Variants in CSMD3 observed in about 807,000 individuals in gnomAD.
CSMD3 encodes the protein CUB and Sushi multiple domains 3, also known as CUB and sushi domain-containing protein 3.
CSMD3 carries 177 observed loss-of-function variants against 435.2 expected under a neutral mutation model. The observed-to-expected ratio is 0.41, with a 90% CI of 0.36 to 0.46. The LOEUF is 0.46. CSMD3 is among the 20% of genes least tolerant of loss of function. CSMD3 has a pLI of 0.34. For missense variants in CSMD3, 4,265 were observed against 4,504.6 expected (o/e 0.95, Z 1.52); for synonymous variants, 1,656 against 1,520.5 (o/e 1.09, Z -2.07).
chr8:112,340,019 C>G (rs1466291083), intron 42 of CSMD3, among the ~76,000 whole-genome samples: 1 of 151,954 alleles, frequency 6.6e-6, no homozygotes, highest in Non-Finnish European at 1.5e-5. Flanking sequence ...CTGAAAATAT[C>G]AGAGTTAATA....
chr8:112,433,654 C>CAAAAAAAAAAAAAAAAAAAAAA, intron 32 of CSMD3, among the ~76,000 whole-genome samples: 85 of 93,046 alleles, frequency 9.1e-4, no homozygotes, highest in Middle Eastern at 0.014. Flanking sequence ...GAGAACCTGT[C>CAAAAAAAAAAAAAAAAAAAAAA]AAAAAAAAAA....
chr8:113,377,000 G>A, intron 1 of CSMD3: 2 of 954,378 alleles, frequency 2.1e-6, no homozygotes, highest in South Asian at 1.4e-5. Flanking sequence ...CGGGCCCGCA[G>A]CCACATCTTC....
chr8:113,316,699 G>A (rs1477695021), intron 1 of CSMD3, among the ~76,000 whole-genome samples: 1 of 151,728 alleles, frequency 6.6e-6, no homozygotes, highest in South Asian at 2.1e-4. Flanking sequence ...ACAGACATAC[G>A]CCACCACGCC....
At chr8:113,103,379 T>C (rs1564318113) in intron 4 of CSMD3, among the ~76,000 whole-genome samples, 1 of 152,148 alleles carries the variant, frequency 6.6e-6, no homozygotes, top group Admixed American at 6.6e-5. Context: ...CATATATGTA[T>C]ATGTATACAC....
chr8:112,879,841 G>A (rs190718934), intron 10 of CSMD3, among the ~76,000 whole-genome samples: 41 of 152,012 alleles, frequency 2.7e-4, no homozygotes, highest in African/African-American at 5.8e-4. Context: ...AACACCATAC[G>A]TTCTCACTTA....
At chr8:112,785,363 C>G (rs2078510221) in intron 13 of CSMD3, among the ~76,000 whole-genome samples, 1 of 151,712 alleles carries the variant, frequency 6.6e-6, no homozygotes, top group Admixed American at 6.6e-5. Flanking sequence ...TCAAGGATAC[C>G]CACTTTCACC....
rs537243951 is a variant in CSMD3 at position 112,224,421 on chromosome 8, T to A, written c.*350A>T. On this transcript the variant is annotated 3_prime_UTR_variant, in exon 71 of 71. Transcript: ENST00000297405. ...TATTTCTACCCTATATCTTTTTTTT[T>A]AAACCCAGTCCCTCTAATATAGTTT... 177 of 310,858 alleles carry A rather than the reference T, an allele frequency of 5.7e-4. No individual in the cohort carries two copies. Among genetic ancestry groups the A allele is most frequent in the South Asian group, 5.3e-3 (168 of 31,884 alleles). 19.3% of individuals were successfully genotyped at this position (310,858 alleles called of 1,614,324 possible).
intron 5 of CSMD3, among the ~76,000 whole-genome samples, chr8:113,045,206 G>A (rs2087779040): frequency 6.7e-6 from 1 of 149,080 alleles, no homozygotes; most frequent in Non-Finnish European, 1.5e-5. Context: ...CAAAAAAACT[G>A]CTTATGATAC....
At chr8:112,383,516 T>A (rs1829662960) in intron 37 of CSMD3, 51 bp downstream of exon 37, 1 of 1,042,212 alleles carries the variant, frequency 9.6e-7, no homozygotes, top group Non-Finnish European at 1.5e-6. Flanking sequence ...TAATTTTTTT[T>A]ATATTCCTAA....
At chr8:112,722,025 G>C (rs964726394) in intron 13 of CSMD3, among the ~76,000 whole-genome samples, 1 of 151,726 alleles carries the variant, frequency 6.6e-6, no homozygotes, top group Non-Finnish European at 1.5e-5. Flanking sequence ...ATTTGGGGAC[G>C]TAACTTCACT....
intron 22 of CSMD3, among the ~76,000 whole-genome samples, chr8:112,612,709 C>CT (rs532290154): frequency 0.014 from 906 of 65,876 alleles, 107 homozygotes; most frequent in Admixed American, 0.027. Flanking sequence ...TTTCTTTGTT[C>CT]TTTTTTTTTT....
intron 41 of CSMD3, 123 bp downstream of exon 41, chr8:112,345,974 T>C (rs1015088312): frequency 1.3e-6 from 1 of 743,172 alleles, no homozygotes; most frequent in Admixed American, 1.8e-5. Flanking sequence ...CATAGTTGTA[T>C]GTATTCCTAA....
rs761897268 is a variant in CSMD3 at position 112,506,654 on chromosome 8, A to AT, written c.4895+36dup. The AT allele has an allele frequency of 1.0e-5, 16 of 1,605,350 alleles. 1 individual carries two copies. The African/African-American group carries it at 1.1e-4, about 11-fold the overall frequency. Reference sequence around the variant, plus strand: ...CTAAAGCAAAATGGCCTAACAATATATTTTTTTAACGTGGAAATAAATATA... The same window carrying AT: ...CTAAAGCAAAATGGCCTAACAATATATTTTTTTTAACGTGGAAATAAATATA... On this transcript the variant is annotated intron_variant, in intron 29 of 70. Coordinates refer to ENST00000297405, the MANE Select transcript of CSMD3 (RefSeq NM_198123.2).
chr8:112,648,208 T>C (rs2075034257), intron 19 of CSMD3, among the ~76,000 whole-genome samples: 1 of 152,156 alleles, frequency 6.6e-6, no homozygotes, highest in Non-Finnish European at 1.5e-5. Context: ...AAAGTTTCTG[T>C]TAAAGGAAAG....
chr8:113,283,687 T>A (rs2093627358), intron 2 of CSMD3, among the ~76,000 whole-genome samples: 1 of 152,120 alleles, frequency 6.6e-6, no homozygotes, highest in Non-Finnish European at 1.5e-5. Context: ...CTTAAAGAAC[T>A]GAAAGTAGAA....
rs2130409295 is a variant in CSMD3 at position 112,265,416 on chromosome 8, C to T, written c.9683G>A (p.Cys3228Tyr). The change falls in exon 60 of 71, where the codon TGT becomes TAT. Residue 3228 changes from cysteine to tyrosine, a missense_variant. Coordinates refer to ENST00000297405, the MANE Select transcript of CSMD3 (RefSeq NM_198123.2). The stretch of plus-strand genomic sequence containing the variant: ...TGAAGAAATCATTATCATACCTCTA[C>T]AAGTTGGCATTACTCCACTCCATGT... The part of the protein sequence containing the change: ...NGTWSGVMPT[C>Y]RAVTCPTPPQ... The T allele has an allele frequency of 5.0e-6, 8 of 1,609,588 alleles. No homozygotes were observed. Among genetic ancestry groups the T allele is most frequent in the Non-Finnish European group, 6.8e-6 (8 of 1,175,968 alleles).
At chr8:112,971,408 C>T (rs538163496) in intron 7 of CSMD3, among the ~76,000 whole-genome samples, 19 of 152,098 alleles carry the variant, frequency 1.2e-4, no homozygotes, top group African/African-American at 4.1e-4. Context: ...TAGTCTCAGC[C>T]TAGTTCTTTG....
chr8:112,961,800 A>T (rs905665592), intron 7 of CSMD3, among the ~76,000 whole-genome samples: 1 of 151,974 alleles, frequency 6.6e-6, no homozygotes, highest in Non-Finnish European at 1.5e-5. Flanking sequence ...CTTTCTTCCT[A>T]GAAATGGAGC....
At chr8:112,260,943 C>A (rs564863762) in intron 61 of CSMD3, among the ~76,000 whole-genome samples, 112 of 152,136 alleles carry the variant, frequency 7.4e-4, no homozygotes, top group African/African-American at 2.6e-3. Context: ...CACTTGTACC[C>A]CTTAAATTTA....
Sources: gnomAD v4.1 joint callset for allele counts (sites outside exome capture counted in the v4.1 genomes callset) on GRCh38, gnomAD v4.1.1 for gene constraint, MANE v1.5 for transcripts, NCBI Gene and HGNC (gene_info 2026-07-23, HGNC 2026-07-21) for gene names.